TMEM131: variants seen among roughly 807,000 people sequenced by gnomAD.
TMEM131 encodes 2610524E03Rik.
Under a neutral mutation model 211.6 loss-of-function variants are expected in TMEM131, and 66 were observed. The ratio of observed to expected loss-of-function variants is 0.31; its 90% CI spans 0.26 to 0.38. TMEM131 has a LOEUF of 0.38. TMEM131 is among the 10% of genes least tolerant of loss of function. TMEM131 has a pLI of 1.00. For synonymous variants in TMEM131, 844 were observed against 841.3 expected (o/e 1.00, Z -0.06); for missense variants, 2,036 against 2,299.3 (o/e 0.89, Z 2.34).
chr2:97,771,386 A>G (rs1679455774), intron 33 of TMEM131, among the ~76,000 whole-genome samples: 1 of 152,172 alleles, frequency 6.6e-6, no homozygotes, highest in Non-Finnish European at 1.5e-5. Flanking sequence ...GACAGAGTCT[A>G]GGTTAGTGGT....
At chr2:97,865,401 C>T (rs1674231584) in intron 4 of TMEM131, among the ~76,000 whole-genome samples, 2 of 152,154 alleles carry the variant, frequency 1.3e-5, no homozygotes, top group Non-Finnish European at 2.9e-5. Context: ...CCATTAAGTA[C>T]GATGTCAGCC....
At chr2:97,978,164 G>T (rs1679627068) in intron 1 of TMEM131, among the ~76,000 whole-genome samples, 1 of 152,150 alleles carries the variant, frequency 6.6e-6, no homozygotes, top group Non-Finnish European at 1.5e-5. Flanking sequence ...AGATTTCTCT[G>T]TAGCATGCAA....
intron 5 of TMEM131, among the ~76,000 whole-genome samples, chr2:97,853,374 C>A (rs1219557896): frequency 1.4e-5 from 2 of 147,664 alleles, no homozygotes; most frequent in Non-Finnish European, 3.0e-5. Context: ...GCGGGTGGAT[C>A]ACCTGAAGTC....
intron 5 of TMEM131, among the ~76,000 whole-genome samples, chr2:97,851,054 A>G (rs779514771): frequency 6.6e-6 from 1 of 151,420 alleles, no homozygotes; most frequent in Non-Finnish European, 1.5e-5. Context: ...TAGTAATACC[A>G]CTAAGAAACC....
intron 1 of TMEM131, among the ~76,000 whole-genome samples, chr2:97,961,626 TAAAGACTTACTA>T (rs1678820920): frequency 6.6e-6 from 1 of 152,176 alleles, no homozygotes; most frequent in African/African-American, 2.4e-5. Context: ...TGCCTCCCTT[TAAAGACTTACTA>T]AAAGACTGCC....
At chr2:97,934,374 A>C (rs1677355681) in intron 1 of TMEM131, among the ~76,000 whole-genome samples, 1 of 152,192 alleles carries the variant, frequency 6.6e-6, no homozygotes, top group African/African-American at 2.4e-5. Flanking sequence ...AAATCAAAGA[A>C]GATCTACATA....
chr2:97,930,448 A>C (rs1677171815), intron 1 of TMEM131, among the ~76,000 whole-genome samples: 1 of 151,868 alleles, frequency 6.6e-6, no homozygotes, highest in Admixed American at 6.6e-5. Flanking sequence ...TTTAAAAAGT[A>C]TGAGTTATGT....
In TMEM131 at chr2:97,819,861, T is replaced by C. The variant is rs941198136; in HGVS notation, c.1075-1140A>G. 3.9e-5 allele frequency among the ~76,000 whole-genome samples: 6 copies of C among 152,338 alleles called. No individual in the cohort carries two copies. The East Asian group carries it at 1.2e-3, about 29-fold the overall frequency. ...CCCCCTGGATCCCTGCCTGCTCTTT[T>C]CCGCCCGTTTATAAAGGTGAAATCT... On this transcript the variant is annotated intron_variant, in intron 11 of 40. Transcript: ENST00000186436.
intron 2 of TMEM131, among the ~76,000 whole-genome samples, chr2:97,910,813 G>C (rs565012970): frequency 4.7e-4 from 71 of 151,984 alleles, no homozygotes; most frequent in Non-Finnish European, 8.5e-4. Flanking sequence ...ACCTGTTTTG[G>C]TACCAGTACC....
At chr2:97,896,202 G>A (rs886099862) in intron 3 of TMEM131, among the ~76,000 whole-genome samples, 5 of 152,070 alleles carry the variant, frequency 3.3e-5, no homozygotes, top group South Asian at 2.1e-4. Context: ...TCCTGAGTTC[G>A]AATTTGATTG....
chr2:97,801,596 A>G (rs899847716), intron 25 of TMEM131, among the ~76,000 whole-genome samples: 3 of 152,198 alleles, frequency 2.0e-5, no homozygotes, highest in Non-Finnish European at 2.9e-5. Flanking sequence ...ATGATGTATT[A>G]ATATTTACCT....
chr2:97,831,664 CTTTTTTTTTTTT>C lies in TMEM131; in HGVS notation c.1074+1689_1074+1700del, dbSNP rs11378393. Among the ~76,000 whole-genome samples the C allele has an allele frequency of 9.9e-5, 8 of 80,630 alleles. No individual in the cohort carries two copies. The East Asian group carries it at 1.1e-3, about 11-fold the overall frequency. 52.9% of individuals were successfully genotyped at this position (80,630 alleles called of 152,430 possible). A position where few individuals can be genotyped will look rare whatever the true frequency, so the allele number is the denominator to read the frequency against. ...ATATACTTTCATGTTTCACATACCT[CTTTTTTTTTTTT>C]TTTTTTTTTTTTTGAGACAGTCTCG... On this transcript the variant is annotated intron_variant, in intron 11 of 40. Coordinates refer to ENST00000186436, the MANE Select transcript of TMEM131 (RefSeq NM_015348.2).
At chr2:97,887,093 C>T (rs1675193738) in intron 4 of TMEM131, among the ~76,000 whole-genome samples, 1 of 152,104 alleles carries the variant, frequency 6.6e-6, no homozygotes, top group South Asian at 2.1e-4. Context: ...GGTGGGGGTG[C>T]AGACACATGG....
intron 1 of TMEM131, among the ~76,000 whole-genome samples, chr2:97,972,505 C>T (rs1679352254): frequency 6.7e-6 from 1 of 150,316 alleles, no homozygotes; most frequent in Admixed American, 6.7e-5. Context: ...GGCAGGCGGG[C>T]AGGCAGGCAG....
chr2:97,885,539 G>GT, intron 4 of TMEM131, among the ~76,000 whole-genome samples: 1 of 152,250 alleles, frequency 6.6e-6, no homozygotes, highest in Middle Eastern at 3.4e-3. Context: ...GCTTTGCAGG[G>GT]TATATAGTGT....
chr2:97,951,014 T>G (rs556036675), intron 1 of TMEM131, among the ~76,000 whole-genome samples: 2 of 152,282 alleles, frequency 1.3e-5, no homozygotes, highest in South Asian at 4.1e-4. Context: ...TTTTAGGGAT[T>G]TACCAGAGTT....
At chr2:97,924,709 G>T (rs985889140) in intron 2 of TMEM131, among the ~76,000 whole-genome samples, 1 of 152,200 alleles carries the variant, frequency 6.6e-6, no homozygotes, top group African/African-American at 2.4e-5. Flanking sequence ...CCAATGCGGA[G>T]CTGGGGCTGA....
In TMEM131 at chr2:97,802,690, G is replaced by A. The variant is rs1681090879; in HGVS notation, c.2503C>T (p.His835Tyr). The change falls in exon 23 of 41, where the codon CAC becomes TAC. Residue 835 changes from histidine to tyrosine, a missense_variant. Transcript: ENST00000186436. Reference sequence around the variant, plus strand: ...GTATTAGTAAGTGGAAATTTCAAGTGCCGGGGTGAGCTAAGTATGGAAGGC... The same window carrying A: ...GTATTAGTAAGTGGAAATTTCAAGTACCGGGGTGAGCTAAGTATGGAAGGC... Reference protein sequence around the residue: ...SWPSILSSPRHLKFPLTNTNC... With the variant: ...SWPSILSSPRYLKFPLTNTNC... 1 of 1,610,604 alleles carries A rather than the reference G, an allele frequency of 6.2e-7. No individual in the cohort carries two copies. The highest frequency in any genetic ancestry group is 2.2e-5 in the East Asian group (1 of 44,820).
chr2:97,995,510 G>T lies in TMEM131; in HGVS notation c.153C>A (p.Thr51=). 7.1e-7 allele frequency: 1 copy of T among 1,411,302 alleles called. No homozygotes were observed. The allele number at this position is 1,411,302 out of a possible 1,614,324, so 87.4% of individuals were successfully genotyped here. A position where few individuals can be genotyped will look rare whatever the true frequency, so the allele number is the denominator to read the frequency against. ...GLLGALHLVM[T]LVVAAARAEK... ...CGGCCCGCGCCGCAGCCACTACGAG[G>T]GTCATCACCAGGTGCAGCGCGCCTA... The change falls in exon 1 of 41, where the codon ACC becomes ACA. Residue 51 remains threonine (T), a synonymous_variant. Coordinates refer to ENST00000186436, the MANE Select transcript of TMEM131 (RefSeq NM_015348.2).
Sources: gnomAD v4.1 joint callset for allele counts (sites outside exome capture counted in the v4.1 genomes callset) on GRCh38, gnomAD v4.1.1 for gene constraint, MANE v1.5 for transcripts, NCBI Gene and HGNC (gene_info 2026-07-23, HGNC 2026-07-21) for gene names.